Variants in TCERG1L observed in about 807,000 individuals in gnomAD.
TCERG1L encodes transcription elongation regulator 1 like.
TCERG1L carries 37 observed loss-of-function variants against 56.3 expected under a neutral mutation model. The observed-to-expected ratio is 0.66, with a 90% confidence interval of 0.51 to 0.87. The LOEUF is 0.87. TCERG1L is among the 40% of genes least tolerant of loss of function. The pLI is 0.00. For synonymous variants in TCERG1L, 324 were observed against 326.3 expected, an observed-to-expected ratio of 0.99 and a Z score of 0.08; for missense variants, 799 against 774.2, an observed-to-expected ratio of 1.03 and a Z score of -0.38.
At chr10:131,270,621 G>T (rs940403734) in intron 3 of TCERG1L, among the ~76,000 whole-genome samples, 3 of 152,210 alleles carry the variant, frequency 2.0e-5, no homozygotes, top group African/African-American at 7.2e-5. Flanking sequence ...GCCCAGCCCC[G>T]CATGGCTGCT....
At chr10:131,297,021 T>C (rs151174117) in intron 3 of TCERG1L, among the ~76,000 whole-genome samples, 316 of 152,304 alleles carry the variant, frequency 2.1e-3, no homozygotes, top group Middle Eastern at 3.4e-3. Flanking sequence ...GTCATTTGTC[T>C]GCACATAGAG....
intron 9 of TCERG1L, among the ~76,000 whole-genome samples, chr10:131,109,866 G>A (rs543449400): frequency 1.3e-5 from 2 of 152,214 alleles, no homozygotes; most frequent in Non-Finnish European, 2.9e-5. Flanking sequence ...TGTTAGAAAC[G>A]CAGGCGCCAG....
chr10:131,107,030 T>TG, intron 9 of TCERG1L, among the ~76,000 whole-genome samples: 1 of 141,274 alleles, frequency 7.1e-6, no homozygotes, highest in African/African-American at 2.9e-5. Context: ...CCAGACAGAA[T>TG]GGATCCCTTT....
At chr10:131,176,690 GCA>G (rs1253383858) in intron 4 of TCERG1L, among the ~76,000 whole-genome samples, 5 of 117,280 alleles carry the variant, frequency 4.3e-5, no homozygotes, top group African/African-American at 7.2e-5. Context: ...CAAGAAACAT[GCA>G]CACACAGACA....
rs117530790 is a variant in TCERG1L, at chr10:131,138,640, G to A, written c.1190-4192C>T. Among the ~76,000 whole-genome samples the A allele has an allele frequency of 1.0e-3, 154 of 152,322 alleles. 2 individuals are homozygous for A. The East Asian group carries it at 0.028, about 27-fold the overall frequency. Reference sequence around the variant, plus strand: ...AAAATTAATGCAAACGGAGTTAACTGTACAAGTTACAAGTATAAGGGTTGT... The same window carrying A: ...AAAATTAATGCAAACGGAGTTAACTATACAAGTTACAAGTATAAGGGTTGT... On this transcript the variant is annotated intron_variant, in intron 7 of 11. Transcript: ENST00000368642.
intron 4 of TCERG1L, among the ~76,000 whole-genome samples, chr10:131,225,903 C>T (rs984711034): frequency 1.3e-5 from 2 of 152,222 alleles, no homozygotes; most frequent in African/African-American, 4.8e-5. Context: ...CATCTCAGAG[C>T]AGCACGCCCT....
Position 131,309,252 on chromosome 10 carries a change from G to A in TCERG1L, c.390C>T (p.Ser130=). The change falls in exon 2 of 12, where the codon TCC becomes TCT. Residue 130 remains serine (S), a synonymous_variant. Coordinates refer to ENST00000368642, the MANE Select transcript of TCERG1L (RefSeq NM_174937.4). The part of the protein sequence containing the change: ...HSPSLGLPPS[S]TVELVPVFPH... ...GGAAGACGGGCACCAGCTCCACTGT[G>A]GAAGAGGGGGGCAGTCCTAGGGACG... 3 of 1,604,990 alleles carry A rather than the reference G, an allele frequency of 1.9e-6. No homozygotes were observed. The highest frequency in any genetic ancestry group is 2.5e-6 in the Non-Finnish European group (3 of 1,177,106).
chr10:131,219,668 C>T (rs983996847), intron 4 of TCERG1L, among the ~76,000 whole-genome samples: 1 of 152,206 alleles, frequency 6.6e-6, no homozygotes, highest in Non-Finnish European at 1.5e-5. Context: ...CCTTCCCTTC[C>T]GATGCTCTGA....
In TCERG1L at chr10:131,113,538, G is replaced by C. The variant is rs1316565828; in HGVS notation, c.1395+3261C>G. Among the ~76,000 whole-genome samples the C allele has an allele frequency of 3.5e-5, 5 of 142,308 alleles. 1 individual carries two copies. The South Asian group carries it at 1.3e-3, about 37-fold the overall frequency. The allele number at this position is 142,308 out of a possible 152,430, so 93.4% of individuals were successfully genotyped here. On this transcript the variant is annotated intron_variant, in intron 9 of 11. Coordinates refer to ENST00000368642, the MANE Select transcript of TCERG1L (RefSeq NM_174937.4). ...TTGTACCCACTCACCCCACAGCCTC[G>C]CTGTCAACACCCATCTTAGCACAAG...
rs555499261 is a variant in TCERG1L at position 131,135,727 on chromosome 10, C to T, written c.1190-1279G>A. On this transcript the variant is annotated intron_variant, in intron 7 of 11. Coordinates refer to ENST00000368642, the MANE Select transcript of TCERG1L (RefSeq NM_174937.4). Reference sequence around the variant, plus strand: ...CACAGGACCACAGAGGCTGCTGTAGCGGGACCGGGGTGCAATGTATCTGCC... The same window carrying T: ...CACAGGACCACAGAGGCTGCTGTAGTGGGACCGGGGTGCAATGTATCTGCC... 7.0e-4 allele frequency among the ~76,000 whole-genome samples: 107 copies of T among 152,298 alleles called. 1 individual carries two copies. The highest frequency in any genetic ancestry group is 2.4e-3 in the African/African-American group (100 of 41,562).
At chr10:131,210,633 A>G (rs997431275) in intron 4 of TCERG1L, among the ~76,000 whole-genome samples, 4 of 152,046 alleles carry the variant, frequency 2.6e-5, no homozygotes, top group Non-Finnish European at 4.4e-5. Context: ...AACACACTGC[A>G]TGTCTTGAGC....
At chr10:131,265,433 T>C (rs377124326) in intron 3 of TCERG1L, among the ~76,000 whole-genome samples, 2 of 152,196 alleles carry the variant, frequency 1.3e-5, no homozygotes, top group South Asian at 2.1e-4. Context: ...ATTTACATCA[T>C]TGGTAGATGA....
At chr10:131,285,486 A>AAG (rs1344634178) in intron 3 of TCERG1L, among the ~76,000 whole-genome samples, 1 of 18,896 alleles carries the variant, frequency 5.3e-5, no homozygotes, top group African/African-American at 9.1e-5. Flanking sequence ...GAAAGAAAGA[A>AAG]AGAAAGAAAG....
intron 4 of TCERG1L, among the ~76,000 whole-genome samples, chr10:131,258,269 C>T (rs1458056057): frequency 1.3e-5 from 2 of 152,334 alleles, no homozygotes; most frequent in South Asian, 2.1e-4. Flanking sequence ...GAAAACAGCC[C>T]GAATGGCGCA....
intron 4 of TCERG1L, among the ~76,000 whole-genome samples, chr10:131,230,463 C>G (rs1237331978): frequency 6.6e-6 from 1 of 152,208 alleles, no homozygotes; most frequent in East Asian, 1.9e-4. Flanking sequence ...CTGGCCAGTG[C>G]TCACCGGCAG....
intron 3 of TCERG1L, among the ~76,000 whole-genome samples, chr10:131,298,877 T>A (rs1316174584): frequency 6.6e-6 from 1 of 152,234 alleles, no homozygotes; most frequent in Non-Finnish European, 1.5e-5. Flanking sequence ...GCAAGTTCTC[T>A]AAATTCTCAC....
At chr10:131,289,296 A>G (rs1354429022) in intron 3 of TCERG1L, among the ~76,000 whole-genome samples, 1 of 152,176 alleles carries the variant, frequency 6.6e-6, no homozygotes, top group Non-Finnish European at 1.5e-5. Context: ...GCATAAAGAA[A>G]AAAAGATGCA....
At chr10:131,229,908 A>T (rs1263197850) in intron 4 of TCERG1L, among the ~76,000 whole-genome samples, 1 of 152,214 alleles carries the variant, frequency 6.6e-6, no homozygotes, top group Admixed American at 6.5e-5. Flanking sequence ...GCTGAGGAGA[A>T]CGTGATTTTG....
chr10:131,121,330 C>T (rs1471909211), intron 8 of TCERG1L, among the ~76,000 whole-genome samples: 3 of 152,158 alleles, frequency 2.0e-5, no homozygotes, highest in Non-Finnish European at 2.9e-5. Flanking sequence ...TGCTGTACAA[C>T]CTTGGCCAAA....
Sources: gnomAD v4.1 joint callset for allele counts (sites outside exome capture counted in the v4.1 genomes callset) on GRCh38, gnomAD v4.1.1 for gene constraint, MANE v1.5 for transcripts, NCBI Gene and HGNC (gene_info 2026-07-23, HGNC 2026-07-21) for gene names.